Variants in CTSC observed in about 807,000 individuals in gnomAD.
CTSC encodes the protein cathepsin C.
A neutral mutation model predicts 40.9 loss-of-function variants in CTSC; 37 were observed. The observed-to-expected ratio is 0.91, with a 90% confidence interval of 0.70 to 1.19. The LOEUF is 1.19. Among genes scored for constraint, CTSC ranks in the 50% most tolerant of loss-of-function variants. The probability of loss-of-function intolerance (pLI) is 0.00; values close to 1 mark genes in which losing one functional copy is unlikely to be tolerated. For missense variants in CTSC, 594 were observed against 567.3 expected, an observed-to-expected ratio of 1.05 and a Z score of -0.48; for synonymous variants, 232 against 207.4, an observed-to-expected ratio of 1.12 and a Z score of -1.02.
chr11:88,337,214 T>C (rs1938521762), intron 1 of CTSC, among the ~76,000 whole-genome samples: 1 of 152,172 alleles, frequency 6.6e-6, no homozygotes, highest in South Asian at 2.1e-4. Flanking sequence ...TTCCCAAGTC[T>C]CTCTCAAAGC....
At chr11:88,328,533 T>C (rs1409402633) in intron 2 of CTSC, among the ~76,000 whole-genome samples, 1 of 152,244 alleles carries the variant, frequency 6.6e-6, no homozygotes, top group Non-Finnish European at 1.5e-5. Flanking sequence ...GCGACATTTC[T>C]GGCTGTGTGA....
At chr11:88,299,606 C>T (rs922682527) in intron 5 of CTSC, 5 of 152,072 alleles carry the variant, frequency 3.3e-5, no homozygotes, top group East Asian at 1.9e-4. Context: ...AAATGAGACA[C>T]GGCAGAGACT....
Position 88,294,135 on chromosome 11 carries a change from A to G in CTSC, c.1263T>C (p.Asp421=), listed in dbSNP as rs2134762968. ...CCCAGCTGTTTTTAACAATCCAGTA[A>G]TCCATCCCAGAGGCTGAGTCAGTGC... ...GYGTDSASGM[D]YWIVKNSWGT... Residue 421 remains aspartate (D), a synonymous_variant, in exon 7 of 7, where the codon GAT becomes GAC. Coordinates refer to ENST00000227266, the MANE Select transcript of CTSC (RefSeq NM_001814.6). 1 of 1,613,894 alleles carries G rather than the reference A, an allele frequency of 6.2e-7. No homozygotes were observed. Among genetic ancestry groups the G allele is most frequent in the Non-Finnish European group, 8.5e-7 (1 of 1,179,982 alleles).
At chr11:88,334,824 C>T (rs1938445960) in intron 2 of CTSC, 113 bp downstream of exon 2, 1 of 788,266 alleles carries the variant, frequency 1.3e-6, no homozygotes, top group East Asian at 2.6e-5. Context: ...AGAGTGGTGT[C>T]AATTCCGGTC....
chr11:88,310,654 G>A (rs990253458), intron 3 of CTSC, among the ~76,000 whole-genome samples: 1 of 151,934 alleles, frequency 6.6e-6, no homozygotes, highest in African/African-American at 2.4e-5. Flanking sequence ...TGTTTTTGTC[G>A]AAGTTCTTTC....
intron 2 of CTSC, among the ~76,000 whole-genome samples, chr11:88,315,546 T>A (rs1937856092): frequency 6.6e-6 from 1 of 152,208 alleles, no homozygotes; most frequent in African/African-American, 2.4e-5. Flanking sequence ...GCATGCCCAT[T>A]CATTTATACA....
intron 4 of CTSC, among the ~76,000 whole-genome samples, chr11:88,303,657 T>C (rs1262003530): frequency 6.6e-6 from 1 of 152,190 alleles, no homozygotes; most frequent in Non-Finnish European, 1.5e-5. Flanking sequence ...CACCCTGTCC[T>C]TGTGAGCCTT....
intron 6 of CTSC, 82 bp downstream of exon 6, chr11:88,296,051 A>G: frequency 6.9e-7 from 1 of 1,449,116 alleles, no homozygotes; most frequent in South Asian, 1.1e-5. Flanking sequence ...TCTCTACTGC[A>G]TCATCCTTTT....
intron 1 of CTSC, among the ~76,000 whole-genome samples, chr11:88,336,460 A>G (rs1938496662): frequency 6.7e-6 from 1 of 148,642 alleles, no homozygotes; most frequent in Non-Finnish European, 1.5e-5. Context: ...AATCGCTTAA[A>G]CCCGGGAGGC....
chr11:88,311,117 G>A (rs1292589387), intron 3 of CTSC, among the ~76,000 whole-genome samples: 1 of 152,200 alleles, frequency 6.6e-6, no homozygotes, highest in Non-Finnish European at 1.5e-5. Flanking sequence ...CACTTCACAG[G>A]TGAGGCAATG....
At chr11:88,330,851 T>TA (rs1372788852) in intron 2 of CTSC, among the ~76,000 whole-genome samples, 3 of 152,130 alleles carry the variant, frequency 2.0e-5, no homozygotes, top group African/African-American at 4.8e-5. Context: ...TCTCAAATCA[T>TA]AAAAAATGTT....
chr11:88,304,871 G>A (rs1937617669), intron 4 of CTSC, among the ~76,000 whole-genome samples: 1 of 152,194 alleles, frequency 6.6e-6, no homozygotes, highest in Non-Finnish European at 1.5e-5. Context: ...GCCAAGGTAG[G>A]CAGATCACCT....
intron 2 of CTSC, chr11:88,328,082 G>T (rs780894332): frequency 1.3e-5 from 19 of 1,505,770 alleles, no homozygotes; most frequent in Non-Finnish European, 1.8e-5. Flanking sequence ...CTTTTAATAA[G>T]AAAGTTAGAA....
chr11:88,300,914 ATTT>A (rs1000949270), intron 4 of CTSC, among the ~76,000 whole-genome samples: 1 of 152,002 alleles, frequency 6.6e-6, no homozygotes, highest in African/African-American at 2.4e-5. Context: ...CTGTGATGTT[ATTT>A]TTAGTTTGCC....
intron 2 of CTSC, among the ~76,000 whole-genome samples, chr11:88,332,180 T>A (rs1349474572): frequency 6.6e-6 from 1 of 152,232 alleles, no homozygotes. Context: ...ATTTCTGTAA[T>A]GGCAGTAGGT....
chr11:88,326,705 C>A (rs1414529579), intron 2 of CTSC, among the ~76,000 whole-genome samples: 1 of 152,090 alleles, frequency 6.6e-6, no homozygotes, highest in Non-Finnish European at 1.5e-5. Flanking sequence ...CTGAAAAAAA[C>A]GAATATGTTT....
chr11:88,296,707 A>G (rs1196873323), intron 5 of CTSC: 1 of 254,766 alleles, frequency 3.9e-6, no homozygotes, highest in Non-Finnish European at 7.7e-6. Flanking sequence ...TCCCTCTAAA[A>G]TCATGTTAAA....
chr11:88,316,959 G>A (rs1305983159), intron 2 of CTSC, among the ~76,000 whole-genome samples: 1 of 151,746 alleles, frequency 6.6e-6, no homozygotes, highest in South Asian at 2.1e-4. Context: ...TTATATCTGT[G>A]GTTGTCTTAA....
rs764998990 is a variant in CTSC, at chr11:88,294,071, T to C, written c.1327A>G (p.Arg443Gly). The part of the protein sequence containing the change: ...WGENGYFRIR[R>G]GTDECAIESI... The stretch of plus-strand genomic sequence containing the variant: ...TCAATTGCACACTCATCAGTTCCTC[T>C]GCGGATCCGGAAGTAGCCATTCTCA... The change falls in exon 7 of 7, where the codon AGA becomes GGA. Residue 443 changes from arginine (R) to glycine (G), a missense_variant. Physicochemically the swap from Arg to Gly is moderately radical, Grantham distance 125 (BLOSUM62 -2). Coordinates refer to ENST00000227266, the MANE Select transcript of CTSC (RefSeq NM_001814.6). 3 of 1,614,026 alleles carry C rather than the reference T, an allele frequency of 1.9e-6. No individual in the cohort carries two copies. The highest frequency in any genetic ancestry group is 2.5e-6 in the Non-Finnish European group (3 of 1,179,988).
Sources: allele counts gnomAD v4.1 joint callset (sites outside exome capture counted in the v4.1 genomes callset), GRCh38; gene constraint gnomAD v4.1.1; transcripts MANE v1.5; gene names NCBI Gene and HGNC (gene_info 2026-07-23, HGNC 2026-07-21).